The following CD300LF variants were observed in gnomAD, a reference collection of about 807,000 sequenced individuals.
CD300LF encodes CMRF35-like molecule 1.
In CD300LF, 27 loss-of-function variants were observed where a neutral mutation model predicts 32.2. That is an observed-to-expected ratio of 0.84 (90% CI 0.62 to 1.15). The LOEUF (loss-of-function observed/expected upper bound fraction) is 1.15. Ranked by LOEUF, CD300LF falls within the 50% of genes most tolerant of loss-of-function variation. The pLI is 0.00. For missense variants in CD300LF, 348 were observed against 356.8 expected (o/e 0.98, Z 0.20); for synonymous variants, 139 against 143.2 (o/e 0.97, Z 0.21).
chr17:74,704,240 C>A (rs1567792144), intron 2 of CD300LF: 3 of 523,178 alleles, frequency 5.7e-6, no homozygotes, highest in Non-Finnish European at 1.0e-5. Flanking sequence ...CTGAGCTGTG[C>A]AGAGGTAAAA....
At position 74,704,763 on chromosome 17, in the gene CD300LF, G is replaced by A. The variant is rs144985522; in HGVS notation, c.97C>T (p.Arg33Trp). 49 of 1,614,100 alleles carry A rather than the reference G, an allele frequency of 3.0e-5. No homozygotes were observed. The Admixed American group carries it at 6.2e-4, about 20-fold the overall frequency. The change falls in exon 2 of 7, where the codon CGG becomes TGG. Residue 33 changes from arginine to tryptophan, a missense_variant. Transcript: ENST00000326165. Reference sequence around the variant, plus strand: ...ACACACTGCACGGTCAAGGAGCCCCGCTCCAAGCCATTCACTGTTGTTGGA... The same window carrying A: ...ACACACTGCACGGTCAAGGAGCCCCACTCCAAGCCATTCACTGTTGTTGGA... ...TGPTTVNGLE[R>W]GSLTVQCVYR...
At chr17:74,702,789 G>A (rs2033174471) in intron 3 of CD300LF, among the ~76,000 whole-genome samples, 1 of 152,220 alleles carries the variant, frequency 6.6e-6, no homozygotes, top group Admixed American at 6.5e-5. Context: ...TTATAACACA[G>A]TAAAAGTGGG....
At chr17:74,712,564 C>T (rs1181429163) in intron 1 of CD300LF, among the ~76,000 whole-genome samples, 1 of 152,214 alleles carries the variant, frequency 6.6e-6, no homozygotes, top group Non-Finnish European at 1.5e-5. Flanking sequence ...CCCTGGCCGG[C>T]GGGGCCTACA....
Position 74,706,282 on chromosome 17 carries a change from AAT to A in CD300LF, c.44-1468_44-1467del, listed in dbSNP as rs35583593. Among the ~76,000 whole-genome samples, 197 of 145,078 alleles carry A rather than the reference AAT, an allele frequency of 1.4e-3. 2 individuals carry two copies. The highest frequency in any genetic ancestry group is 1.1e-3 in the South Asian group (5 of 4,610). ...AAAAAACATTTTAAAGGAAAAAAAA[AAT>A]ATATATATATATATATCCCAAAGTG... On this transcript the variant is annotated intron_variant, in intron 1 of 6. Coordinates refer to ENST00000326165, the MANE Select transcript of CD300LF (RefSeq NM_139018.5).
At chr17:74,695,613 C>A in intron 6 of CD300LF, 112 bp downstream of exon 6, 1 of 1,481,906 alleles carries the variant, frequency 6.7e-7, no homozygotes, top group South Asian at 1.2e-5. Flanking sequence ...TGCCCCACAC[C>A]TGCCTCCTCT....
intron 1 of CD300LF, among the ~76,000 whole-genome samples, chr17:74,707,194 G>A (rs1340173661): frequency 3.3e-5 from 5 of 152,064 alleles, no homozygotes; most frequent in East Asian, 3.8e-4. Context: ...AGAATGAAGC[G>A]ACAACCTACA....
At chr17:74,708,716 A>C (rs1196319200) in intron 1 of CD300LF, among the ~76,000 whole-genome samples, 2 of 152,148 alleles carry the variant, frequency 1.3e-5, no homozygotes, top group Admixed American at 6.5e-5. Context: ...GGAGATCGAG[A>C]CCATCCTGGC....
chr17:74,709,411 A>C (rs1403758747), intron 1 of CD300LF, among the ~76,000 whole-genome samples: 3 of 152,192 alleles, frequency 2.0e-5, no homozygotes, highest in African/African-American at 7.2e-5. Flanking sequence ...GTCTATCAAA[A>C]ACCTCAGCAA....
At chr17:74,703,183 C>T in intron 2 of CD300LF, 85 bp from the exon 3 acceptor site, 1 of 1,556,902 alleles carries the variant, frequency 6.4e-7, no homozygotes, top group African/African-American at 1.4e-5. Flanking sequence ...ATCACAGATG[C>T]CCCTGCCCAT....
At position 74,704,640 on chromosome 17, in the gene CD300LF, C is replaced by G; in HGVS notation, c.220G>C (p.Glu74Gln). 6.2e-7 allele frequency: 1 copy of G among 1,614,198 alleles called. No homozygotes were observed. Among genetic ancestry groups the G allele is most frequent in the African/African-American group, 1.3e-5 (1 of 75,046 alleles). The change falls in exon 2 of 7, where the codon GAG (glutamate) becomes CAG (glutamine). Residue 74 changes from glutamate to glutamine, a missense_variant. Glu to Gln is a conservative substitution (Grantham distance 29). Coordinates refer to ENST00000326165, the MANE Select transcript of CD300LF (RefSeq NM_139018.5). ...ILVKTSGSEQ[E>Q]VKRDRVSIKD... ...ATGGACACCCGGTCCCTCTTCACCT[C>G]CTGCTCTGACCCACTGGTTTTAACA...
chr17:74,703,823 A>T (rs1461430951), intron 2 of CD300LF, among the ~76,000 whole-genome samples: 1 of 152,174 alleles, frequency 6.6e-6, no homozygotes, highest in Non-Finnish European at 1.5e-5. Context: ...AAATAAACCC[A>T]TGCAAACCGA....
At chr17:74,712,589 C>T (rs1369663993) in intron 1 of CD300LF, among the ~76,000 whole-genome samples, 1 of 152,256 alleles carries the variant, frequency 6.6e-6, no homozygotes, top group Non-Finnish European at 1.5e-5. Flanking sequence ...GTCCATTTCA[C>T]ATGATCAGCC....
At chr17:74,703,568 A>G (rs2033252999) in intron 2 of CD300LF, among the ~76,000 whole-genome samples, 1 of 152,210 alleles carries the variant, frequency 6.6e-6, no homozygotes, top group Non-Finnish European at 1.5e-5. Context: ...GAATGAAATC[A>G]TCATATTCAG....
chr17:74,695,580 G>A (rs1453626637), intron 6 of CD300LF, 145 bp downstream of exon 6: 25 of 1,174,910 alleles, frequency 2.1e-5, no homozygotes, highest in South Asian at 1.0e-4. Flanking sequence ...GCTCCTAGGC[G>A]AGTCCTGCAG....
chr17:74,709,127 G>A (rs1598279994), intron 1 of CD300LF, among the ~76,000 whole-genome samples: 2 of 151,764 alleles, frequency 1.3e-5, no homozygotes, highest in East Asian at 3.9e-4. Flanking sequence ...GGGAGGCTGA[G>A]GCAGGAGAAT....
At chr17:74,698,063 C>T (rs1448268557) in intron 4 of CD300LF, among the ~76,000 whole-genome samples, 1 of 152,180 alleles carries the variant, frequency 6.6e-6, no homozygotes, top group Admixed American at 6.5e-5. Context: ...CTGGACCACC[C>T]ACCTAAGACC....
In CD300LF at chr17:74,695,164, G is replaced by C; in HGVS notation, c.805C>G (p.Leu269Val). The C allele has an allele frequency of 6.2e-7, 1 of 1,614,156 alleles. No homozygotes were observed. Reference protein sequence around the residue: ...QEPTYCNMGHLSSHLPGRGPE... With the variant: ...QEPTYCNMGHVSSHLPGRGPE... ...CCCCTGCCGGGGAGGTGGCTACTGA[G>C]GTGGCCCATGTTGCAGTAGGTCGGT... The change falls in exon 7 of 7, where the codon CTC becomes GTC. Residue 269 changes from leucine to valine, a missense_variant. Leu to Val is a conservative substitution (Grantham distance 32). Coordinates refer to ENST00000326165, the MANE Select transcript of CD300LF (RefSeq NM_139018.5).
chr17:74,694,880 T>C lies in CD300LF; in HGVS notation c.*216A>G, dbSNP rs144801039. On this transcript the variant is annotated 3_prime_UTR_variant, in exon 7 of 7. Transcript: ENST00000326165. The stretch of plus-strand genomic sequence containing the variant: ...GCATATCCCTAGCCCCCTCCTCAAC[T>C]ATGTAGGAGAGGAGGGGACGTTTAG... The C allele has an allele frequency of 2.7e-4, 127 of 472,086 alleles. 1 individual carries two copies. In the East Asian group the frequency reaches 4.2e-3, roughly 16 times the overall value. 29.2% of individuals were successfully genotyped at this position (472,086 alleles called of 1,614,324 possible). A position where few individuals can be genotyped will look rare whatever the true frequency, so the allele number is the denominator to read the frequency against.
chr17:74,706,274 A>C (rs1017902136), intron 1 of CD300LF, among the ~76,000 whole-genome samples: 3 of 138,722 alleles, frequency 2.2e-5, no homozygotes, highest in African/African-American at 8.5e-5. Flanking sequence ...ATTTTAAAGG[A>C]AAAAAAAAAT....
Sources: gnomAD v4.1 joint callset for allele counts (sites outside exome capture counted in the v4.1 genomes callset) on GRCh38, gnomAD v4.1.1 for gene constraint, MANE v1.5 for transcripts, NCBI Gene and HGNC (gene_info 2026-07-23, HGNC 2026-07-21) for gene names.